NXPH1: variants seen among roughly 807,000 people sequenced by gnomAD.
NXPH1 encodes the protein neurexophilin-1.
Under a neutral mutation model 23.7 loss-of-function variants are expected in NXPH1, and 5 were observed. The ratio of observed to expected loss-of-function variants is 0.21; its 90% CI spans 0.11 to 0.44. The LOEUF (loss-of-function observed/expected upper bound fraction) is 0.44. Ranked by LOEUF, NXPH1 falls within the 20% of genes least tolerant of loss-of-function variation. The pLI, the probability that NXPH1 is intolerant of heterozygous loss-of-function variation, is 0.99. For missense variants in NXPH1, 324 were observed against 321.6 expected (o/e 1.01, Z -0.06); for synonymous variants, 144 against 122.2 (o/e 1.18, Z -1.18).
chr7:8,494,706 A>C (rs1817307995), intron 2 of NXPH1, among the ~76,000 whole-genome samples: 1 of 152,128 alleles, frequency 6.6e-6, no homozygotes. Context: ...TCGAGTTGAC[A>C]GAATTATCCT....
chr7:8,622,654 A>C (rs1392061996), intron 2 of NXPH1, among the ~76,000 whole-genome samples: 1 of 152,200 alleles, frequency 6.6e-6, no homozygotes, highest in African/African-American at 2.4e-5. Context: ...TGGTTATTCT[A>C]TGATTTGTCA....
At chr7:8,582,500 C>T (rs190970480) in intron 2 of NXPH1, among the ~76,000 whole-genome samples, 71 of 152,232 alleles carry the variant, frequency 4.7e-4, no homozygotes, top group Admixed American at 1.3e-3. Flanking sequence ...CAGGTTGTCC[C>T]GACGAGTGTC....
chr7:8,633,791 A>G (rs184066556), intron 2 of NXPH1, among the ~76,000 whole-genome samples: 1 of 152,214 alleles, frequency 6.6e-6, no homozygotes, highest in Non-Finnish European at 1.5e-5. Flanking sequence ...CTTGAGTTGA[A>G]CCCTCTTTTT....
chr7:8,752,645 T>G lies in NXPH1; in HGVS notation c.*876T>G, dbSNP rs187882619. Reference sequence around the variant, plus strand: ...TACACATATTGTAACAAATTCAATATCCTAGTCTTCATTTGTATGAATGGT... The same window carrying G: ...TACACATATTGTAACAAATTCAATAGCCTAGTCTTCATTTGTATGAATGGT... On this transcript the variant is annotated 3_prime_UTR_variant, in exon 3 of 3. Transcript: ENST00000405863. 5.7e-3 allele frequency: 865 copies of G among 152,646 alleles called. 28 individuals are homozygous for G. The highest frequency in any genetic ancestry group is 2.1e-3 in the East Asian group (11 of 5,148). 9.5% of individuals were successfully genotyped at this position (152,646 alleles called of 1,614,324 possible).
intron 2 of NXPH1, among the ~76,000 whole-genome samples, chr7:8,457,268 T>C (rs1035032593): frequency 6.6e-6 from 1 of 152,176 alleles, no homozygotes; most frequent in African/African-American, 2.4e-5. Flanking sequence ...AAATGTCTAC[T>C]TCTCTGGTCT....
chr7:8,602,567 T>C (rs1402532803), intron 2 of NXPH1, among the ~76,000 whole-genome samples: 1 of 152,256 alleles, frequency 6.6e-6, no homozygotes, highest in Non-Finnish European at 1.5e-5. Flanking sequence ...AATGTCTTGC[T>C]TTACTCTGCT....
At chr7:8,626,493 G>A (rs1028514262) in intron 2 of NXPH1, among the ~76,000 whole-genome samples, 9 of 151,248 alleles carry the variant, frequency 6.0e-5, no homozygotes, top group African/African-American at 2.2e-4. Context: ...TCACTGCCAT[G>A]AGGGACTCCT....
At chr7:8,693,863 A>G (rs904791514) in intron 2 of NXPH1, among the ~76,000 whole-genome samples, 4 of 152,186 alleles carry the variant, frequency 2.6e-5, no homozygotes, top group African/African-American at 9.6e-5. Context: ...TGGTGTAATT[A>G]CTAATGGCTT....
chr7:8,683,985 G>A (rs983152987), intron 2 of NXPH1, among the ~76,000 whole-genome samples: 1 of 152,260 alleles, frequency 6.6e-6, no homozygotes, highest in Non-Finnish European at 1.5e-5. Flanking sequence ...GCATACTAAA[G>A]TTCAGGAAGG....
At chr7:8,594,841 G>C (rs1819183189) in intron 2 of NXPH1, among the ~76,000 whole-genome samples, 1 of 152,032 alleles carries the variant, frequency 6.6e-6, no homozygotes, top group African/African-American at 2.4e-5. Flanking sequence ...TTATTGTCTT[G>C]TGTAGGCTCA....
chr7:8,585,724 G>A (rs1426593549), intron 2 of NXPH1, among the ~76,000 whole-genome samples: 3 of 152,238 alleles, frequency 2.0e-5, no homozygotes, highest in African/African-American at 2.4e-5. Flanking sequence ...CATCACATAT[G>A]TTGAAACATT....
At chr7:8,721,157 G>C (rs1263198979) in intron 2 of NXPH1, among the ~76,000 whole-genome samples, 1 of 152,106 alleles carries the variant, frequency 6.6e-6, no homozygotes, top group Non-Finnish European at 1.5e-5. Context: ...TTTTCTTAGG[G>C]TCTACTCCAG....
intron 2 of NXPH1, among the ~76,000 whole-genome samples, chr7:8,540,717 A>G (rs899303048): frequency 1.3e-5 from 2 of 151,812 alleles, no homozygotes; most frequent in Admixed American, 6.6e-5. Context: ...TAACCAGCCT[A>G]CAGAAGGAAC....
chr7:8,561,829 G>A (rs1256144768), intron 2 of NXPH1, among the ~76,000 whole-genome samples: 1 of 151,656 alleles, frequency 6.6e-6, no homozygotes. Context: ...GAATAAAACT[G>A]CAGAAAGTCG....
chr7:8,465,345 C>T (rs963712207), intron 2 of NXPH1, among the ~76,000 whole-genome samples: 1 of 152,164 alleles, frequency 6.6e-6, no homozygotes, highest in Non-Finnish European at 1.5e-5. Context: ...TCTACTCGCT[C>T]CTCTATGCTC....
chr7:8,469,821 C>A (rs1816845322), intron 2 of NXPH1, among the ~76,000 whole-genome samples: 1 of 152,062 alleles, frequency 6.6e-6, no homozygotes, highest in African/African-American at 2.4e-5. Flanking sequence ...TGTCTCTAAT[C>A]CATGCAACAA....
intron 2 of NXPH1, among the ~76,000 whole-genome samples, chr7:8,614,389 G>A (rs1244522466): frequency 2.0e-5 from 3 of 151,816 alleles, no homozygotes; most frequent in Non-Finnish European, 4.4e-5. Context: ...CTGTTTAAGA[G>A]AGGATGCTAT....
At chr7:8,506,531 A>G (rs1186599825) in intron 2 of NXPH1, among the ~76,000 whole-genome samples, 3 of 152,110 alleles carry the variant, frequency 2.0e-5, no homozygotes. Flanking sequence ...GGAACAGACT[A>G]TTAATGAGTA....
intron 2 of NXPH1, among the ~76,000 whole-genome samples, chr7:8,731,007 TAG>T (rs922293424): frequency 1.4e-5 from 2 of 144,298 alleles, no homozygotes; most frequent in Non-Finnish European, 3.0e-5. Context: ...TCTTTTCACA[TAG>T]TTCCATATTT....
Sources: allele counts gnomAD v4.1 joint callset (sites outside exome capture counted in the v4.1 genomes callset), GRCh38; gene constraint gnomAD v4.1.1; transcripts MANE v1.5; gene names NCBI Gene and HGNC (gene_info 2026-07-23, HGNC 2026-07-21).